CGNL1: variants seen among roughly 807,000 people sequenced by gnomAD.
CGNL1 encodes cingulin-like protein 1.
Under a neutral mutation model 141.2 loss-of-function variants are expected in CGNL1, and 132 were observed. That is an observed-to-expected ratio of 0.93 (90% confidence interval 0.81 to 1.08). The LOEUF (loss-of-function observed/expected upper bound fraction) is 1.08. Among genes scored for constraint, CGNL1 ranks in the 50% least tolerant of loss-of-function variants. The pLI, the probability that CGNL1 is intolerant of heterozygous loss-of-function variation, is 0.00. For missense variants in CGNL1, 1,870 were observed against 1,588.6 expected, an observed-to-expected ratio of 1.18 and a Z score of -3.01; for synonymous variants, 690 against 622.1, an observed-to-expected ratio of 1.11 and a Z score of -1.63.
At chr15:57,428,158 G>C (rs993315860) in intron 1 of CGNL1, among the ~76,000 whole-genome samples, 2 of 152,246 alleles carry the variant, frequency 1.3e-5, no homozygotes, top group Admixed American at 6.5e-5. Flanking sequence ...ATGAGAGCTT[G>C]TCTTGGTGGC....
intron 8 of CGNL1, among the ~76,000 whole-genome samples, chr15:57,504,801 G>C (rs557639619): frequency 3.2e-4 from 48 of 152,308 alleles, no homozygotes; most frequent in Middle Eastern, 3.4e-3. Context: ...TGACTTCAAG[G>C]GGGCAGGGAA....
At chr15:57,522,872 C>A (rs2031360942) in intron 10 of CGNL1, among the ~76,000 whole-genome samples, 1 of 152,172 alleles carries the variant, frequency 6.6e-6, no homozygotes. Flanking sequence ...GTGTCTCTTC[C>A]ATTTAACACC....
chr15:57,531,674 G>C lies in CGNL1; in HGVS notation c.3202-16G>C. 6.4e-7 allele frequency: 1 copy of C among 1,569,718 alleles called. No homozygotes were observed. Among genetic ancestry groups the C allele is most frequent in the South Asian group, 1.1e-5 (1 of 90,098 alleles). Reference sequence around the variant, plus strand: ...AGTGCAAGTTAAGTCAACTGTGTTTGTGATTTCCTTCTTAGGACAAGGTGT... The same window carrying C: ...AGTGCAAGTTAAGTCAACTGTGTTTCTGATTTCCTTCTTAGGACAAGGTGT... On this transcript the variant is annotated splice_polypyrimidine_tract_variant and intron_variant, in intron 13 of 18. Coordinates refer to ENST00000281282, the MANE Select transcript of CGNL1 (RefSeq NM_032866.5).
At chr15:57,481,602 T>A (rs907412333) in intron 8 of CGNL1, among the ~76,000 whole-genome samples, 1 of 152,224 alleles carries the variant, frequency 6.6e-6, no homozygotes, top group Non-Finnish European at 1.5e-5. Context: ...GAAGGACTTA[T>A]GGGATGTTTC....
intron 9 of CGNL1, among the ~76,000 whole-genome samples, chr15:57,517,724 T>G (rs748815489): frequency 1.3e-5 from 2 of 152,174 alleles, no homozygotes; most frequent in Non-Finnish European, 2.9e-5. Context: ...GCCACACTTG[T>G]CCATTGACCA....
At chr15:57,389,976 C>T (rs575676985) in intron 1 of CGNL1, among the ~76,000 whole-genome samples, 2 of 152,238 alleles carry the variant, frequency 1.3e-5, no homozygotes, top group East Asian at 3.9e-4. Context: ...CCACCACACC[C>T]AGCTAATTGT....
chr15:57,461,225 G>A (rs1326234165), intron 7 of CGNL1, among the ~76,000 whole-genome samples: 1 of 152,130 alleles, frequency 6.6e-6, no homozygotes, highest in Non-Finnish European at 1.5e-5. Flanking sequence ...AGGCAAAGTT[G>A]TCCTGAGTAC....
At chr15:57,520,754 G>T (rs1462241697) in intron 10 of CGNL1, among the ~76,000 whole-genome samples, 2 of 152,166 alleles carry the variant, frequency 1.3e-5, no homozygotes, top group African/African-American at 2.4e-5. Flanking sequence ...GGACTTTTGA[G>T]TATTGAGACA....
intron 8 of CGNL1, among the ~76,000 whole-genome samples, chr15:57,514,375 C>T (rs1466930656): frequency 5.3e-5 from 8 of 152,176 alleles, no homozygotes; most frequent in African/African-American, 1.9e-4. Flanking sequence ...TGGTCTTGAA[C>T]TTCTGACCAC....
chr15:57,494,549 A>G (rs1438644592), intron 8 of CGNL1, among the ~76,000 whole-genome samples: 1 of 152,232 alleles, frequency 6.6e-6, no homozygotes, highest in African/African-American at 2.4e-5. Flanking sequence ...AGAAGTAGAA[A>G]ATGTAAAAGC....
intron 8 of CGNL1, among the ~76,000 whole-genome samples, chr15:57,467,615 A>G (rs2063525803): frequency 6.6e-6 from 1 of 151,936 alleles, no homozygotes; most frequent in Non-Finnish European, 1.5e-5. Context: ...AACACTCTAT[A>G]TTAATGATAT....
At chr15:57,386,734 G>C (rs1051179583) in intron 1 of CGNL1, among the ~76,000 whole-genome samples, 1 of 152,166 alleles carries the variant, frequency 6.6e-6, no homozygotes. Context: ...AGATGGGTGC[G>C]AGGCTTCAGC....
chr15:57,446,326 C>G (rs2063250957), intron 4 of CGNL1, among the ~76,000 whole-genome samples: 1 of 152,120 alleles, frequency 6.6e-6, no homozygotes. Flanking sequence ...TAGAACACTC[C>G]CATCACCCAG....
rs573787384 is a variant in CGNL1 at position 57,442,040 on chromosome 15, A to G, written c.1698-333A>G. On this transcript the variant is annotated intron_variant, in intron 3 of 18. Transcript: ENST00000281282. ...AAGGAGAATTCTTTTTGGAATGGAC[A>G]TGAGCATTTGAATCAAACAACAAAT... is the stretch of plus-strand genomic sequence containing the variant. Among the ~76,000 whole-genome samples, 29 of 152,284 alleles carry G rather than the reference A, an allele frequency of 1.9e-4. 2 individuals are homozygous for G. The South Asian group carries it at 5.8e-3, about 30-fold the overall frequency.
intron 8 of CGNL1, among the ~76,000 whole-genome samples, chr15:57,479,742 A>G (rs1405645087): frequency 6.6e-6 from 1 of 152,096 alleles, no homozygotes; most frequent in African/African-American, 2.4e-5. Context: ...ACAAAACAAA[A>G]CAGGCAGAGC....
At chr15:57,496,576 G>T (rs1819488800) in intron 8 of CGNL1, among the ~76,000 whole-genome samples, 1 of 152,196 alleles carries the variant, frequency 6.6e-6, no homozygotes, top group Non-Finnish European at 1.5e-5. Flanking sequence ...TGCCAAAAAG[G>T]TTGGGGACTG....
At chr15:57,483,354 C>A (rs1047391555) in intron 8 of CGNL1, among the ~76,000 whole-genome samples, 2 of 151,928 alleles carry the variant, frequency 1.3e-5, no homozygotes, top group Admixed American at 1.3e-4. Context: ...TTTTAGTATC[C>A]TTCTGTTCAT....
At chr15:57,387,825 T>C (rs1021369540) in intron 1 of CGNL1, among the ~76,000 whole-genome samples, 3 of 152,250 alleles carry the variant, frequency 2.0e-5, no homozygotes, top group African/African-American at 7.2e-5. Context: ...ACTTTAATAA[T>C]ATCCTTTGCT....
At chr15:57,512,509 A>G (rs1258684676) in intron 8 of CGNL1, among the ~76,000 whole-genome samples, 4 of 152,196 alleles carry the variant, frequency 2.6e-5, no homozygotes, top group Admixed American at 6.5e-5. Context: ...CTTTACAAAT[A>G]ATCAAAAAAG....
Sources: gnomAD v4.1 joint callset for allele counts (sites outside exome capture counted in the v4.1 genomes callset) on GRCh38, gnomAD v4.1.1 for gene constraint, MANE v1.5 for transcripts, NCBI Gene and HGNC (gene_info 2026-07-23, HGNC 2026-07-21) for gene names.